The following HPSE2 variants were observed in gnomAD, a reference collection of about 807,000 sequenced individuals.
HPSE2 encodes the protein inactive heparanase-2.
A neutral mutation model predicts 60.5 loss-of-function variants in HPSE2; 38 were observed. The observed-to-expected ratio is 0.63, with a 90% confidence interval of 0.48 to 0.82. The LOEUF is 0.82. Among genes scored for constraint, HPSE2 ranks in the 40% least tolerant of loss-of-function variants. The pLI, the probability that HPSE2 is intolerant of heterozygous loss-of-function variation, is 0.00. For missense variants in HPSE2, 713 were observed against 740.4 expected (o/e 0.96, Z 0.43); for synonymous variants, 295 against 293.2 (o/e 1.01, Z -0.06).
chr10:99,009,233 G>GT (rs1215151292), intron 3 of HPSE2, among the ~76,000 whole-genome samples: 14 of 84,156 alleles, frequency 1.7e-4, no homozygotes, highest in African/African-American at 6.0e-4. Context: ...ACAAGGCCCA[G>GT]TGTCTACAAA....
At chr10:98,546,142 T>G (rs71486165) in intron 9 of HPSE2, among the ~76,000 whole-genome samples, 3 of 135,156 alleles carry the variant, frequency 2.2e-5, no homozygotes, top group African/African-American at 7.6e-5. Flanking sequence ...CACTGCTCAA[T>G]GAAATAAAAG....
intron 2 of HPSE2, among the ~76,000 whole-genome samples, chr10:99,184,559 A>T (rs1351294870): frequency 7.4e-6 from 1 of 134,244 alleles, no homozygotes; most frequent in Non-Finnish European, 1.6e-5. Flanking sequence ...AAAAAAAAAA[A>T]GCTAAGAGGA....
At chr10:98,844,918 C>A (rs372188622) in intron 3 of HPSE2, among the ~76,000 whole-genome samples, 2 of 152,122 alleles carry the variant, frequency 1.3e-5, no homozygotes, top group Non-Finnish European at 2.9e-5. Flanking sequence ...CCTTCAAGTG[C>A]GCTCTTCCAT....
intron 6 of HPSE2, among the ~76,000 whole-genome samples, chr10:98,661,338 T>C (rs2134086817): frequency 6.6e-6 from 1 of 152,330 alleles, no homozygotes; most frequent in East Asian, 1.9e-4. Context: ...GGATTGCTTT[T>C]AGTTTATTTA....
At chr10:98,788,553 G>A (rs989323480) in intron 3 of HPSE2, among the ~76,000 whole-genome samples, 15 of 151,704 alleles carry the variant, frequency 9.9e-5, no homozygotes, top group South Asian at 2.1e-4. Context: ...CCTCGTTGCC[G>A]CCTTGCAGTT....
intron 4 of HPSE2, among the ~76,000 whole-genome samples, chr10:98,725,812 A>G (rs1949060444): frequency 6.6e-6 from 1 of 152,186 alleles, no homozygotes; most frequent in South Asian, 2.1e-4. Flanking sequence ...AACCCCATCA[A>G]AAAGTGGGCA....
At chr10:98,541,348 T>C (rs569256123) in intron 9 of HPSE2, among the ~76,000 whole-genome samples, 1 of 152,136 alleles carries the variant, frequency 6.6e-6, no homozygotes, top group South Asian at 2.1e-4. Context: ...CCAAGATGGC[T>C]GAATAGGAAT....
intron 6 of HPSE2, among the ~76,000 whole-genome samples, chr10:98,645,953 C>T (rs1249652713): frequency 1.3e-5 from 2 of 152,130 alleles, no homozygotes; most frequent in East Asian, 1.9e-4. Context: ...CCAGCCTGGG[C>T]AACAGAGCAA....
intron 6 of HPSE2, among the ~76,000 whole-genome samples, chr10:98,692,681 T>C: frequency 6.6e-6 from 1 of 151,912 alleles, no homozygotes; most frequent in Non-Finnish European, 1.5e-5. Context: ...AGACAGGAGA[T>C]TGGCGTGAAC....
At chr10:98,802,252 A>G (rs1950927215) in intron 3 of HPSE2, among the ~76,000 whole-genome samples, 1 of 152,142 alleles carries the variant, frequency 6.6e-6, no homozygotes, top group African/African-American at 2.4e-5. Flanking sequence ...AAAACTCTCC[A>G]GGACAGTGGA....
chr10:98,486,193 C>CGA (rs1941434365), intron 10 of HPSE2, among the ~76,000 whole-genome samples: 1 of 152,072 alleles, frequency 6.6e-6, no homozygotes, highest in Non-Finnish European at 1.5e-5. Context: ...TCTTGGCTGG[C>CGA]GAGTGCAGCA....
At chr10:99,273,412 T>C in the HPSE2 span, among the ~76,000 whole-genome samples, 2 of 152,106 alleles carry the variant, frequency 1.3e-5, no homozygotes, top group Non-Finnish European at 2.9e-5. Flanking sequence ...AAAAACCTAT[T>C]GAAATAAATA....
intron 3 of HPSE2, among the ~76,000 whole-genome samples, chr10:99,015,248 A>G (rs1957112231): frequency 6.6e-6 from 1 of 152,096 alleles, no homozygotes; most frequent in Non-Finnish European, 1.5e-5. Flanking sequence ...ACCATTGTGG[A>G]AGTCAGTGTG....
chr10:98,929,558 G>A (rs776295955), intron 3 of HPSE2, among the ~76,000 whole-genome samples: 1 of 143,864 alleles, frequency 7.0e-6, no homozygotes, highest in Non-Finnish European at 1.5e-5. Context: ...GAAGACCTAA[G>A]TTATTTGCCA....
Position 98,820,080 on chromosome 10 carries a change from AT to A in HPSE2, c.611-76025del, listed in dbSNP as rs146363049. Among the ~76,000 whole-genome samples the A allele has an allele frequency of 8.0e-3, 1,217 of 152,204 alleles. 6 individuals carry two copies. The highest frequency in any genetic ancestry group is 0.014 in the Non-Finnish European group (935 of 67,976). ...CATTCATGTGGACACTGGGAGTCAA[AT>A]TTTATTTGTCTTCACGTAGGAAAGT... On this transcript the variant is annotated intron_variant, in intron 3 of 11. Coordinates refer to ENST00000370552, the MANE Select transcript of HPSE2 (RefSeq NM_021828.5).
At chr10:98,997,139 G>T (rs2135360490) in intron 3 of HPSE2, among the ~76,000 whole-genome samples, 1 of 125,882 alleles carries the variant, frequency 7.9e-6, no homozygotes, top group Non-Finnish European at 1.6e-5. Flanking sequence ...TTGAGACAGA[G>T]TCTCACTCTG....
At chr10:98,771,241 A>T (rs1589799930) in intron 3 of HPSE2, among the ~76,000 whole-genome samples, 1 of 152,226 alleles carries the variant, frequency 6.6e-6, no homozygotes, top group Non-Finnish European at 1.5e-5. Context: ...ATAGGGATTC[A>T]GAGATGTTTG....
intron 3 of HPSE2, among the ~76,000 whole-genome samples, chr10:99,100,212 C>A (rs773581530): frequency 1.3e-5 from 2 of 152,058 alleles, no homozygotes; most frequent in African/African-American, 4.8e-5. Context: ...GAAGGAAGTT[C>A]GAATCCATCG....
At chr10:98,749,462 T>C (rs1283032261) in intron 3 of HPSE2, among the ~76,000 whole-genome samples, 2 of 151,298 alleles carry the variant, frequency 1.3e-5, no homozygotes, top group Non-Finnish European at 2.9e-5. Context: ...TGCATGCATA[T>C]ATACATATAT....
Sources: gnomAD v4.1 joint callset for allele counts (sites outside exome capture counted in the v4.1 genomes callset) on GRCh38, gnomAD v4.1.1 for gene constraint, MANE v1.5 for transcripts, NCBI Gene and HGNC (gene_info 2026-07-23, HGNC 2026-07-21) for gene names.